The following EPHA6 variants were observed in gnomAD, a reference collection of about 807,000 sequenced individuals.
The protein encoded by EPHA6 is ephrin type-A receptor 6.
Under a neutral mutation model 112.0 loss-of-function variants are expected in EPHA6, and 50 were observed. That is an observed-to-expected ratio of 0.45 (90% CI 0.36 to 0.56). EPHA6 has a LOEUF of 0.56. EPHA6 is among the 20% of genes least tolerant of loss of function. EPHA6 has a pLI of 0.00. For missense variants in EPHA6, 1,280 were observed against 1,417.4 expected (o/e 0.90, Z 1.56); for synonymous variants, 529 against 490.7 (o/e 1.08, Z -1.03).
intron 2 of EPHA6, among the ~76,000 whole-genome samples, chr3:96,924,853 G>T (rs535230694): frequency 6.6e-6 from 1 of 152,098 alleles, no homozygotes; most frequent in African/African-American, 2.4e-5. Flanking sequence ...AAGGAATATT[G>T]AATTTTATTG....
intron 16 of EPHA6, among the ~76,000 whole-genome samples, chr3:97,736,889 G>A (rs750549691): frequency 2.6e-5 from 4 of 152,106 alleles, no homozygotes; most frequent in Non-Finnish European, 5.9e-5. Flanking sequence ...GAAATAACCA[G>A]TGCATATCCA....
At chr3:97,504,965 T>A (rs1414837303) in intron 10 of EPHA6, among the ~76,000 whole-genome samples, 1 of 152,168 alleles carries the variant, frequency 6.6e-6, no homozygotes, top group African/African-American at 2.4e-5. Context: ...ACCTGCTTTT[T>A]AAAAATATTT....
At chr3:97,095,093 G>A (rs894218529) in intron 3 of EPHA6, among the ~76,000 whole-genome samples, 5 of 151,960 alleles carry the variant, frequency 3.3e-5, no homozygotes, top group African/African-American at 4.8e-5. Context: ...TAGTAAATAC[G>A]GAAAACTGGC....
chr3:97,012,844 C>G (rs761822028), intron 3 of EPHA6, among the ~76,000 whole-genome samples: 2 of 151,780 alleles, frequency 1.3e-5, no homozygotes, highest in African/African-American at 2.4e-5. Flanking sequence ...ATTTCTCTCA[C>G]GATTAGTGAT....
At chr3:97,528,892 A>G (rs1395543356) in intron 10 of EPHA6, among the ~76,000 whole-genome samples, 1 of 152,134 alleles carries the variant, frequency 6.6e-6, no homozygotes, top group African/African-American at 2.4e-5. Context: ...GTGGCAGAAG[A>G]TCAATTATCC....
At chr3:97,486,229 C>T (rs1031023578) in intron 10 of EPHA6, among the ~76,000 whole-genome samples, 3 of 152,124 alleles carry the variant, frequency 2.0e-5, no homozygotes, top group African/African-American at 7.2e-5. Context: ...ATTGGGGTCT[C>T]TTTTTAAATC....
intron 14 of EPHA6, among the ~76,000 whole-genome samples, chr3:97,642,880 A>G (rs2094021472): frequency 4.0e-4 from 1 of 2,484 alleles, no homozygotes; most frequent in Non-Finnish European, 0.016. Flanking sequence ...GATATTATCC[A>G]GGAGAACTCT....
At position 96,987,672 on chromosome 3, in the gene EPHA6, A is replaced by G. The variant is rs2043072155; in HGVS notation, c.793A>G (p.Thr265Ala). Residue 265 changes from threonine to alanine, a missense_variant, in exon 3 of 18, where the codon ACT becomes GCT. This residue lies in a region of EPHA6 where 878 missense variants were observed against 999.7 expected (regional missense o/e 0.88). Coordinates refer to ENST00000389672, the MANE Select transcript of EPHA6 (RefSeq NM_001080448.3). ...DLGDRILKLN[T>A]EIREVGPIER... ...GGGTGATCGCATCCTCAAACTCAAC[A>G]CTGAAATTCGTGAGGTGGGGCCTAT... 6.2e-7 allele frequency: 1 copy of G among 1,606,810 alleles called. No individual in the cohort carries two copies. Among genetic ancestry groups the G allele is most frequent in the Middle Eastern group, 1.7e-4 (1 of 6,016 alleles).
chr3:97,649,074 AC>A (rs1374423681), intron 14 of EPHA6, among the ~76,000 whole-genome samples: 21 of 152,128 alleles, frequency 1.4e-4, no homozygotes, highest in Admixed American at 1.3e-3. Flanking sequence ...CATGAAACCA[AC>A]CGTGTTAGTC....
chr3:96,970,981 T>C (rs1297705792), intron 2 of EPHA6, among the ~76,000 whole-genome samples: 1 of 152,096 alleles, frequency 6.6e-6, no homozygotes, highest in Non-Finnish European at 1.5e-5. Flanking sequence ...TAGCATAGTA[T>C]TCATATATTG....
intron 5 of EPHA6, among the ~76,000 whole-genome samples, chr3:97,379,751 C>CAAAAAAA (rs71623570): frequency 3.3e-5 from 1 of 30,540 alleles, no homozygotes; most frequent in East Asian, 1.4e-3. Context: ...TCTGTCTCCC[C>CAAAAAAA]AAAAAAAAAA....
intron 11 of EPHA6, chr3:97,572,694 A>T (rs138493238): frequency 7.9e-5 from 12 of 152,152 alleles, no homozygotes; most frequent in Non-Finnish European, 1.8e-4. Context: ...GTGCTGTCGT[A>T]TAGCTGGCTC....
At chr3:97,459,971 AG>A (rs2090830725) in intron 7 of EPHA6, among the ~76,000 whole-genome samples, 1 of 152,230 alleles carries the variant, frequency 6.6e-6, no homozygotes, top group African/African-American at 2.4e-5. Flanking sequence ...ACTGGAGCTA[AG>A]CCATCCCAAG....
At chr3:97,458,881 A>G (rs896857837) in intron 7 of EPHA6, among the ~76,000 whole-genome samples, 3 of 152,284 alleles carry the variant, frequency 2.0e-5, no homozygotes, top group East Asian at 3.9e-4. Context: ...GGCACTAGGA[A>G]TTCAAAAACA....
At chr3:97,117,397 T>A (rs2047919816) in intron 3 of EPHA6, among the ~76,000 whole-genome samples, 1 of 151,782 alleles carries the variant, frequency 6.6e-6, no homozygotes, top group South Asian at 2.1e-4. Context: ...AAAATATTTG[T>A]GTAGACCAAT....
chr3:97,084,674 C>A (rs1219898333), intron 3 of EPHA6, among the ~76,000 whole-genome samples: 1 of 151,918 alleles, frequency 6.6e-6, no homozygotes, highest in Non-Finnish European at 1.5e-5. Context: ...AGTAAAATAC[C>A]TAGAAATACA....
chr3:97,716,633 G>A (rs748591726), intron 14 of EPHA6, among the ~76,000 whole-genome samples: 5 of 148,422 alleles, frequency 3.4e-5, no homozygotes, highest in Non-Finnish European at 7.5e-5. Flanking sequence ...TTCCTCTAAT[G>A]TAAGGAACGG....
chr3:96,993,912 T>A (rs2043308260), intron 3 of EPHA6, among the ~76,000 whole-genome samples: 1 of 152,208 alleles, frequency 6.6e-6, no homozygotes, highest in African/African-American at 2.4e-5. Context: ...ATAAGCTGAT[T>A]TAAAATAGAA....
intron 13 of EPHA6, among the ~76,000 whole-genome samples, chr3:97,616,686 C>T (rs1462881153): frequency 6.6e-6 from 1 of 151,822 alleles, no homozygotes; most frequent in East Asian, 1.9e-4. Flanking sequence ...AATCTCAGAA[C>T]TTAAAGTTTG....
Sources: gnomAD v4.1 joint callset for allele counts (sites outside exome capture counted in the v4.1 genomes callset) on GRCh38, gnomAD v4.1.1 for gene constraint, gnomAD v4.1.1 regional missense constraint, MANE v1.5 for transcripts, NCBI Gene and HGNC (gene_info 2026-07-23, HGNC 2026-07-21) for gene names.